ST6GALNAC3: variants seen among roughly 807,000 people sequenced by gnomAD.
ST6GALNAC3 encodes alpha-N-acetylgalactosaminide alpha-2,6-sialyltransferase 3.
Under a neutral mutation model 32.7 loss-of-function variants are expected in ST6GALNAC3, and 25 were observed. The observed-to-expected ratio is 0.76, with a 90% CI of 0.56 to 1.07. The LOEUF (loss-of-function observed/expected upper bound fraction) is 1.07. ST6GALNAC3 is among the 50% of genes least tolerant of loss of function. ST6GALNAC3 has a pLI of 0.00. For synonymous variants in ST6GALNAC3, 129 were observed against 133.1 expected (o/e 0.97, Z 0.21); for missense variants, 355 against 382.4 (o/e 0.93, Z 0.60).
At chr1:76,419,528 C>T (rs1472075842) in intron 3 of ST6GALNAC3, among the ~76,000 whole-genome samples, 2 of 152,098 alleles carry the variant, frequency 1.3e-5, no homozygotes, top group African/African-American at 4.8e-5. Flanking sequence ...ATTATTTCTC[C>T]TCTCCTTAGA....
intron 2 of ST6GALNAC3, among the ~76,000 whole-genome samples, chr1:76,389,479 G>T (rs1652370676): frequency 6.6e-6 from 1 of 152,188 alleles, no homozygotes; most frequent in Non-Finnish European, 1.5e-5. Flanking sequence ...ACCAAGGAAT[G>T]CCAGAGAGCA....
chr1:76,122,410 A>G (rs797010636), intron 1 of ST6GALNAC3, among the ~76,000 whole-genome samples: 6 of 152,172 alleles, frequency 3.9e-5, no homozygotes, highest in African/African-American at 7.2e-5. Flanking sequence ...ACATGCCCCT[A>G]TGTCTGCTCA....
intron 2 of ST6GALNAC3, among the ~76,000 whole-genome samples, chr1:76,404,407 C>T (rs1268642140): frequency 6.6e-6 from 1 of 151,998 alleles, no homozygotes; most frequent in Non-Finnish European, 1.5e-5. Flanking sequence ...GAAAGTGACT[C>T]AGTGTAGATG....
rs1374011398 is a variant in ST6GALNAC3 at position 76,630,763 on chromosome 1, T to A, written c.*1957T>A. 2 of 985,574 alleles carry A rather than the reference T, an allele frequency of 2.0e-6. No individual in the cohort carries two copies. The highest frequency in any genetic ancestry group is 2.4e-6 in the Non-Finnish European group (2 of 829,862). The allele number at this position is 985,574 out of a possible 1,614,324, so 61.1% of individuals were successfully genotyped here. A position where few individuals can be genotyped will look rare whatever the true frequency, so the allele number is the denominator to read the frequency against. ...CCCCAGTTCTATCGTTGGAAGGAGT[T>A]GTTATTCTTTTGTTGTTCCCTTATG... On this transcript the variant is annotated 3_prime_UTR_variant, in exon 5 of 5. Coordinates refer to ENST00000328299, the MANE Select transcript of ST6GALNAC3 (RefSeq NM_152996.4).
At chr1:76,357,245 A>G (rs1362757002) in intron 2 of ST6GALNAC3, among the ~76,000 whole-genome samples, 1 of 147,040 alleles carries the variant, frequency 6.8e-6, no homozygotes, top group East Asian at 2.0e-4. Flanking sequence ...AGTGATTCTC[A>G]TAATTCAGCC....
chr1:76,157,403 A>C (rs966484789), intron 1 of ST6GALNAC3, among the ~76,000 whole-genome samples: 7 of 152,224 alleles, frequency 4.6e-5, no homozygotes, highest in Admixed American at 2.6e-4. Context: ...GTTCAATTCC[A>C]GTATACATAT....
intron 1 of ST6GALNAC3, among the ~76,000 whole-genome samples, chr1:76,242,098 G>A (rs1215685570): frequency 6.6e-6 from 1 of 152,252 alleles, no homozygotes; most frequent in East Asian, 1.9e-4. Context: ...GCAAATACTA[G>A]CTGTTGTTCT....
At chr1:76,552,275 G>A (rs769807013) in intron 3 of ST6GALNAC3, among the ~76,000 whole-genome samples, 1 of 152,210 alleles carries the variant, frequency 6.6e-6, no homozygotes, top group Admixed American at 6.5e-5. Context: ...TGGTGGGAAT[G>A]TGGACCACTG....
chr1:76,298,467 C>T (rs972406592), intron 1 of ST6GALNAC3, among the ~76,000 whole-genome samples: 2 of 151,994 alleles, frequency 1.3e-5, no homozygotes, highest in African/African-American at 2.4e-5. Context: ...AAATTTTGTC[C>T]ATTACATGGT....
intron 1 of ST6GALNAC3, among the ~76,000 whole-genome samples, chr1:76,308,533 C>T (rs1661204626): frequency 6.6e-6 from 1 of 152,144 alleles, no homozygotes. Flanking sequence ...TCAATAAAGG[C>T]AGCAGCAATC....
At chr1:76,579,193 A>G (rs1646855916) in intron 3 of ST6GALNAC3, among the ~76,000 whole-genome samples, 1 of 151,912 alleles carries the variant, frequency 6.6e-6, no homozygotes, top group African/African-American at 2.4e-5. Flanking sequence ...GAGGGGAGAA[A>G]TCCAAACATA....
chr1:76,266,781 A>G (rs1228238463), intron 1 of ST6GALNAC3, among the ~76,000 whole-genome samples: 1 of 152,074 alleles, frequency 6.6e-6, no homozygotes, highest in African/African-American at 2.4e-5. Flanking sequence ...GGCAGAGACA[A>G]TCCAGAATGT....
chr1:76,231,133 G>T (rs1158651003), intron 1 of ST6GALNAC3, among the ~76,000 whole-genome samples: 1 of 152,120 alleles, frequency 6.6e-6, no homozygotes, highest in Admixed American at 6.6e-5. Context: ...CCAGAGCTGG[G>T]ATGAATGACC....
rs542725161 is a variant in ST6GALNAC3 at position 76,580,278 on chromosome 1, C to T, written c.624-47174C>T. Among the ~76,000 whole-genome samples the T allele has an allele frequency of 2.0e-5, 3 of 152,158 alleles. No individual in the cohort carries two copies. In the East Asian group the frequency reaches 5.8e-4, roughly 29 times the overall value. On this transcript the variant is annotated intron_variant, in intron 3 of 4. Coordinates refer to ENST00000328299, the MANE Select transcript of ST6GALNAC3 (RefSeq NM_152996.4). Reference sequence around the variant, plus strand: ...AGGCTCTAACAGGTTGTTCTACATTCTTTTGACAGATTCATGTCCACTCTT... The same window carrying T: ...AGGCTCTAACAGGTTGTTCTACATTTTTTTGACAGATTCATGTCCACTCTT...
chr1:76,128,976 G>C (rs556585930), intron 1 of ST6GALNAC3, among the ~76,000 whole-genome samples: 1 of 152,306 alleles, frequency 6.6e-6, no homozygotes, highest in East Asian at 1.9e-4. Flanking sequence ...GAGTCACCCA[G>C]GCCATCTGTC....
intron 3 of ST6GALNAC3, among the ~76,000 whole-genome samples, chr1:76,583,251 T>C (rs1056459150): frequency 1.3e-5 from 2 of 152,228 alleles, no homozygotes; most frequent in Admixed American, 6.5e-5. Flanking sequence ...CCTTTCTTTC[T>C]GCCCTATATT....
chr1:76,613,065 C>T (rs341026), intron 3 of ST6GALNAC3, among the ~76,000 whole-genome samples: 45,185 of 152,000 alleles, frequency 0.3, 6,972 homozygotes, highest in Admixed American at 0.38. Context: ...GTCTGTAAGA[C>T]GACTTGAGAC....
intron 1 of ST6GALNAC3, among the ~76,000 whole-genome samples, chr1:76,205,464 G>A (rs1164767607): frequency 1.3e-5 from 2 of 152,024 alleles, no homozygotes; most frequent in Non-Finnish European, 2.9e-5. Flanking sequence ...CTGACCTTGG[G>A]GCCAAAAGGC....
intron 1 of ST6GALNAC3, among the ~76,000 whole-genome samples, chr1:76,094,246 G>A (rs769504904): frequency 3.3e-5 from 5 of 152,134 alleles, no homozygotes; most frequent in Non-Finnish European, 5.9e-5. Flanking sequence ...ACGGAGGCGA[G>A]GGAGATCACG....
Sources: gnomAD v4.1 joint callset for allele counts (sites outside exome capture counted in the v4.1 genomes callset) on GRCh38, gnomAD v4.1.1 for gene constraint, MANE v1.5 for transcripts, NCBI Gene and HGNC (gene_info 2026-07-23, HGNC 2026-07-21) for gene names.